HNF4A: variants seen among roughly 807,000 people sequenced by gnomAD.
HNF4A encodes the protein hepatocyte nuclear factor 4 alpha, also known as hepatocyte nuclear factor 4-alpha.
A neutral mutation model predicts 52.4 loss-of-function variants in HNF4A; 15 were observed. That is an observed-to-expected ratio of 0.29 (90% CI 0.19 to 0.44). HNF4A has a LOEUF of 0.44. Among genes scored for constraint, HNF4A ranks in the 20% least tolerant of loss-of-function variants. HNF4A has a pLI of 1.00. For missense variants in HNF4A, 479 were observed against 647.2 expected, an observed-to-expected ratio of 0.74 and a Z score of 2.82; for synonymous variants, 280 against 264.4, an observed-to-expected ratio of 1.06 and a Z score of -0.57.
In HNF4A at chr20:44,385,057, A is replaced by ATTTTTTTTTTTTTTT. The variant is rs1491454694; in HGVS notation, c.50-21000_50-20999insTTTTTTTTTTTTTTT. Among the ~76,000 whole-genome samples the ATTTTTTTTTTTTTTT allele has an allele frequency of 4.7e-4, 14 of 29,932 alleles. 1 individual carries two copies. Among genetic ancestry groups the ATTTTTTTTTTTTTTT allele is most frequent in the African/African-American group, 2.4e-3 (11 of 4,550 alleles). The allele number at this position is 29,932 out of a possible 152,430, so 19.6% of individuals were successfully genotyped here. A position where few individuals can be genotyped will look rare whatever the true frequency, so the allele number is the denominator to read the frequency against. ...TAAGTGGTTTCAGCTGAACTCTGTGATCTTTTTTTTTTTTTTTTTTTTTTT... is the reference window on the plus strand; with the variant it reads ...TAAGTGGTTTCAGCTGAACTCTGTGATTTTTTTTTTTTTTTTCTTTTTTTTTTTTTTTTTTTTTTT... On this transcript the variant is annotated intron_variant, in intron 1 of 9. Coordinates refer to the HNF4A transcript ENST00000316673.
chr20:44,404,899 GGT>G (rs1410264818), intron 1 of HNF4A, among the ~76,000 whole-genome samples: 2 of 92,836 alleles, frequency 2.2e-5, no homozygotes, highest in African/African-American at 8.1e-5. Context: ...TGTGAACTGT[GGT>G]GTGTGTGGTG....
chr20:44,368,358 G>C (rs1044578588), intron 1 of HNF4A, among the ~76,000 whole-genome samples: 3 of 150,748 alleles, frequency 2.0e-5, no homozygotes, highest in African/African-American at 7.3e-5. Flanking sequence ...GTAGAGATGG[G>C]ATTTTGCCAT....
rs772605539 is a variant in HNF4A at position 44,424,058 on chromosome 20, G to A, written c.933G>A (p.Leu311=). 3.7e-6 allele frequency: 6 copies of A among 1,613,170 alleles called. No individual in the cohort carries two copies. The highest frequency in any genetic ancestry group is 1.7e-5 in the Admixed American group (1 of 59,976). Residue 311 remains leucine, a synonymous_variant, in exon 8 of 10, where the codon CTG becomes CTA. Transcript: ENST00000316099. Reference sequence around the variant, plus strand: ...GCGATCCAGGGAAGATCAAGCGGCTGCGTTCCCAGGTGCAGGTGAGCTTGG... The same window carrying A: ...GCGATCCAGGGAAGATCAAGCGGCTACGTTCCCAGGTGCAGGTGAGCTTGG...
At chr20:44,389,495 C>T (rs2063275828) in intron 1 of HNF4A, 1 of 152,194 alleles carries the variant, frequency 6.6e-6, no homozygotes. Context: ...GACTGGGCAT[C>T]CTGTATTTTT....
At chr20:44,404,908 GGT>G (rs1219770837) in intron 1 of HNF4A, among the ~76,000 whole-genome samples, 4 of 50,826 alleles carry the variant, frequency 7.9e-5, no homozygotes, top group South Asian at 8.1e-4. Flanking sequence ...TGGTGTGTGT[GGT>G]GTGTGTGTGC....
chr20:44,425,656 C>CTTTT (rs10657596), intron 8 of HNF4A, among the ~76,000 whole-genome samples: 51,038 of 128,974 alleles, frequency 0.4, 11,490 homozygotes, highest in Middle Eastern at 0.53. Flanking sequence ...TTCTTTTTTC[C>CTTTT]TTTTTTTTTT....
chr20:44,409,477 T>A lies in HNF4A; in HGVS notation c.385+2002T>A, dbSNP rs1049627579. Among the ~76,000 whole-genome samples, 38 of 152,172 alleles carry A rather than the reference T, an allele frequency of 2.5e-4. 1 individual carries two copies. The highest frequency in any genetic ancestry group is 1.5e-5 in the Non-Finnish European group (1 of 68,028). ...GCACTATGATTCCTCATAGGTGTCA[T>A]CCAGAGGGCACTGTGTTTGAGAGAA... On this transcript the variant is annotated intron_variant, in intron 3 of 9. Transcript: ENST00000316099.
chr20:44,388,704 G>T (rs2063264783), intron 1 of HNF4A, among the ~76,000 whole-genome samples: 1 of 152,196 alleles, frequency 6.6e-6, no homozygotes. Flanking sequence ...ACGAGGAGGA[G>T]CCCAGGAAGC....
intron 3 of HNF4A, among the ~76,000 whole-genome samples, chr20:44,410,685 T>G (rs1032746926): frequency 1.3e-5 from 2 of 152,004 alleles, no homozygotes; most frequent in African/African-American, 2.4e-5. Context: ...CAAGACCAGC[T>G]GAGTCTATAA....
intron 1 of HNF4A, among the ~76,000 whole-genome samples, chr20:44,385,083 T>TTTTTGCCTA (rs2063206559): frequency 9.4e-6 from 1 of 106,652 alleles, no homozygotes; most frequent in Non-Finnish European, 2.2e-5. Context: ...TTTTTTTTTT[T>TTTTTGCCTA]TTTTGCCTAT....
intron 1 of HNF4A, among the ~76,000 whole-genome samples, chr20:44,357,398 A>G (rs16988979): frequency 0.017 from 2,604 of 152,240 alleles, 79 homozygotes; most frequent in African/African-American, 0.06. Flanking sequence ...GACCTGGAGT[A>G]TAGATGCCAA....
At chr20:44,417,223 A>C (rs2063677972) in intron 5 of HNF4A, among the ~76,000 whole-genome samples, 1 of 152,194 alleles carries the variant, frequency 6.6e-6, no homozygotes, top group Non-Finnish European at 1.5e-5. Context: ...CTTGAAGATG[A>C]GAAGATGAGA....
intron 8 of HNF4A, among the ~76,000 whole-genome samples, chr20:44,427,384 A>T (rs1290734821): frequency 6.6e-6 from 1 of 152,222 alleles, no homozygotes; most frequent in Non-Finnish European, 1.5e-5. Flanking sequence ...TCCATCCTAT[A>T]GGATTGCTGT....
At chr20:44,361,932 G>C (rs2062921636) in intron 1 of HNF4A, among the ~76,000 whole-genome samples, 1 of 152,146 alleles carries the variant, frequency 6.6e-6, no homozygotes, top group Non-Finnish European at 1.5e-5. Flanking sequence ...GCAGGAGTCA[G>C]CCGGGAGAAG....
intron 1 of HNF4A, chr20:44,390,333 C>A (rs757073056): frequency 5.2e-6 from 2 of 382,610 alleles, no homozygotes; most frequent in Non-Finnish European, 9.4e-6. Flanking sequence ...TCCAGAGAGA[C>A]AACAGGAGGG....
exon 1 of HNF4A, chr20:44,355,792 G>C (rs1443632177): frequency 1.2e-6 from 2 of 1,613,470 alleles, no homozygotes; most frequent in East Asian, 4.5e-5. Flanking sequence ...TCTCCGGCTG[G>C]GTGGGCTTGG....
In HNF4A at chr20:44,419,942, A is replaced by G. The variant is rs1049704009; in HGVS notation, c.892+66A>G. The G allele has an allele frequency of 2.2e-5, 33 of 1,519,040 alleles. No individual in the cohort carries two copies. In the African/African-American group the frequency reaches 3.6e-4, roughly 16 times the overall value. 94.1% of individuals were successfully genotyped at this position (1,519,040 alleles called of 1,614,324 possible). A position where few individuals can be genotyped will look rare whatever the true frequency, so the allele number is the denominator to read the frequency against. ...CAGAACGCTCTGCCAGACTTCTCCT[A>G]TTGGGTTCTGTACACTGAGTTCACA... On this transcript the variant is annotated intron_variant, in intron 7 of 9. Coordinates refer to ENST00000316099, the MANE Select transcript of HNF4A (RefSeq NM_000457.6).
chr20:44,387,721 T>TTA (rs1736761303), intron 1 of HNF4A, among the ~76,000 whole-genome samples: 1 of 107,828 alleles, frequency 9.3e-6, no homozygotes, highest in South Asian at 3.3e-4. Flanking sequence ...CTGGCAGGTT[T>TTA]AAAAAAAAAA....
At chr20:44,375,844 G>A (rs542528922) in intron 1 of HNF4A, among the ~76,000 whole-genome samples, 28 of 152,304 alleles carry the variant, frequency 1.8e-4, no homozygotes, top group African/African-American at 6.5e-4. Flanking sequence ...ATAGGGCCCT[G>A]AATTAGTTTC....
Sources: gnomAD v4.1 joint callset for allele counts (sites outside exome capture counted in the v4.1 genomes callset) on GRCh38, gnomAD v4.1.1 for gene constraint, MANE v1.5 for transcripts, NCBI Gene and HGNC (gene_info 2026-07-23, HGNC 2026-07-21) for gene names.